The following PTPRN2 variants were observed in gnomAD, a reference collection of about 807,000 sequenced individuals.
PTPRN2 encodes the protein receptor-type tyrosine-protein phosphatase N2.
In PTPRN2, 74 loss-of-function variants were observed where a neutral mutation model predicts 118.8. The observed-to-expected ratio is 0.62, with a 90% confidence interval of 0.52 to 0.76. PTPRN2 has a LOEUF of 0.76. Among genes scored for constraint, PTPRN2 ranks in the 30% least tolerant of loss-of-function variants. PTPRN2 has a pLI of 0.00. For synonymous variants in PTPRN2, 641 were observed against 608.0 expected, an observed-to-expected ratio of 1.05 and a Z score of -0.80; for missense variants, 1,481 against 1,394.4, an observed-to-expected ratio of 1.06 and a Z score of -0.99.
At chr7:158,577,903 C>T (rs377665104) in intron 1 of PTPRN2, among the ~76,000 whole-genome samples, 394 of 152,258 alleles carry the variant, frequency 2.6e-3, no homozygotes, top group African/African-American at 9.1e-3. Context: ...CTGCACTGCC[C>T]GGCCACCTCC....
intron 2 of PTPRN2, among the ~76,000 whole-genome samples, chr7:158,403,738 C>T (rs1394871174): frequency 6.6e-6 from 1 of 152,176 alleles, no homozygotes; most frequent in Non-Finnish European, 1.5e-5. Context: ...GTCCTGCACC[C>T]CCACTCTGAA....
intron 12 of PTPRN2, among the ~76,000 whole-genome samples, chr7:157,772,727 G>A (rs891488793): frequency 1.3e-5 from 2 of 152,270 alleles, no homozygotes; most frequent in East Asian, 1.9e-4. Flanking sequence ...GGTCTGGGGG[G>A]ACCCCTGTGG....
intron 1 of PTPRN2, among the ~76,000 whole-genome samples, chr7:158,583,786 G>GCAGA (rs1828768806): frequency 6.6e-6 from 1 of 152,116 alleles, no homozygotes; most frequent in South Asian, 2.1e-4. Context: ...GGAGAGACAG[G>GCAGA]GAACAACAGG....
intron 11 of PTPRN2, among the ~76,000 whole-genome samples, chr7:157,949,748 T>C (rs149073282): frequency 6.6e-6 from 1 of 152,228 alleles, no homozygotes; most frequent in Non-Finnish European, 1.5e-5. Flanking sequence ...GCTCTATAGC[T>C]CCACAAACAG....
At chr7:158,304,709 G>A (rs987731475) in intron 3 of PTPRN2, among the ~76,000 whole-genome samples, 2 of 152,216 alleles carry the variant, frequency 1.3e-5, no homozygotes, top group African/African-American at 4.8e-5. Flanking sequence ...ACTGGGAATC[G>A]GTAGAAAGAG....
Position 158,231,177 on chromosome 7 carries a change from G to A in PTPRN2, c.278-25904C>T, listed in dbSNP as rs924585266. On this transcript the variant is annotated intron_variant, in intron 3 of 22. Coordinates refer to ENST00000389418, the MANE Select transcript of PTPRN2 (RefSeq NM_002847.5). ...AGCTACTTGGGATGCTGAGGTGGGA[G>A]GATCACTTGAGCATGGAAGGTCAAG... 2.6e-5 allele frequency among the ~76,000 whole-genome samples: 4 copies of A among 152,120 alleles called. No homozygotes were observed. The East Asian group carries it at 7.7e-4, about 29-fold the overall frequency.
In PTPRN2 at chr7:157,656,538, T is replaced by C; in HGVS notation, c.2015A>G (p.Gln672Arg). 6.5e-7 allele frequency: 1 copy of C among 1,542,014 alleles called. No individual in the cohort carries two copies. The highest frequency in any genetic ancestry group is 1.2e-5 in the South Asian group (1 of 84,364). ...ATAAYQELCRQRMATRPPDRP... is the reference protein window; with the variant it reads ...ATAAYQELCRRRMATRPPDRP... ...GTCTGGTGGCCGCGTGGCCATACGC[T>C]GGCGGCACAGCTCCTGCAGGACAGG... Residue 672 changes from glutamine to arginine, a missense_variant, in exon 14 of 23, where the codon CAG (glutamine) becomes CGG (arginine). This residue lies in a region of PTPRN2 where 1,115 missense variants were observed against 994.2 expected (regional missense o/e 1.12). Transcript: ENST00000389418.
chr7:158,244,663 T>A (rs1796086774), intron 3 of PTPRN2, among the ~76,000 whole-genome samples: 1 of 152,064 alleles, frequency 6.6e-6, no homozygotes, highest in Admixed American at 6.6e-5. Flanking sequence ...GTGTGTCAGT[T>A]GTGTGAGTTC....
chr7:158,350,476 C>G (rs1807844005), intron 2 of PTPRN2, among the ~76,000 whole-genome samples: 2 of 152,234 alleles, frequency 1.3e-5, no homozygotes, highest in South Asian at 4.1e-4. Flanking sequence ...TGACTGCCGT[C>G]TGCACCCAGA....
intron 2 of PTPRN2, among the ~76,000 whole-genome samples, chr7:158,433,152 T>C (rs189283274): frequency 5.2e-4 from 80 of 152,384 alleles, no homozygotes; most frequent in African/African-American, 1.9e-3. Context: ...CTCTGTAGTA[T>C]TTAATTGCAT....
rs574823959 is a variant in PTPRN2, at chr7:158,422,888, A to G, written c.163+66847T>C. Among the ~76,000 whole-genome samples the G allele has an allele frequency of 2.6e-5, 4 of 152,354 alleles. No homozygotes were observed. The East Asian group carries it at 7.7e-4, about 29-fold the overall frequency. ...TCAAGCTTACAAGTAGTTGGTGTGT[A>G]ATTTGCATGGTCAGTAGAGACAAAG... On this transcript the variant is annotated intron_variant, in intron 2 of 22. Transcript: ENST00000389418.
At chr7:157,681,996 C>G (rs1269929409) in intron 13 of PTPRN2, among the ~76,000 whole-genome samples, 1 of 152,202 alleles carries the variant, frequency 6.6e-6, no homozygotes, top group Non-Finnish European at 1.5e-5. Context: ...GAATCAAACG[C>G]CTTGACTGGT....
rs1350968679 is a variant in PTPRN2 at position 158,070,983 on chromosome 7, GTGGTGGTGGAGGTGCTCA to G, written c.1723+10297_1723+10314del. Among the ~76,000 whole-genome samples, 258 of 86,612 alleles carry G rather than the reference GTGGTGGTGGAGGTGCTCA, an allele frequency of 3.0e-3. 6 individuals are homozygous for G. The highest frequency in any genetic ancestry group is 4.6e-3 in the Non-Finnish European group (209 of 45,224). 56.8% of individuals were successfully genotyped at this position (86,612 alleles called of 152,430 possible). On this transcript the variant is annotated intron_variant, in intron 11 of 22. Coordinates refer to ENST00000389418, the MANE Select transcript of PTPRN2 (RefSeq NM_002847.5). ...GGAGGTGCTCACGGTGGAGGTGCCC[GTGGTGGTGGAGGTGCTCA>G]TGGTGGTGGAGGTGCTCGTGGTGGA... is the stretch of plus-strand genomic sequence containing the variant.
intron 11 of PTPRN2, among the ~76,000 whole-genome samples, chr7:158,048,627 C>CATCACCATCACCACCATCATCAT (rs1809058214): frequency 6.6e-6 from 1 of 151,486 alleles, no homozygotes. Context: ...CCACTACCAC[C>CATCACCATCACCACCATCATCAT]ATCACCATCA....
chr7:157,959,975 TA>T (rs1180132590), intron 11 of PTPRN2, among the ~76,000 whole-genome samples: 2 of 152,214 alleles, frequency 1.3e-5, no homozygotes, highest in South Asian at 4.1e-4. Flanking sequence ...ATGTGGTCTA[TA>T]CACGGCGGGG....
intron 2 of PTPRN2, among the ~76,000 whole-genome samples, chr7:158,461,000 T>C (rs1268861392): frequency 6.6e-6 from 1 of 152,190 alleles, no homozygotes; most frequent in Non-Finnish European, 1.5e-5. Flanking sequence ...AGACCATCAT[T>C]GCACAAACTA....
intron 12 of PTPRN2, among the ~76,000 whole-genome samples, chr7:157,867,425 G>A (rs1290015628): frequency 8.0e-6 from 1 of 125,328 alleles, no homozygotes; most frequent in East Asian, 2.4e-4. Flanking sequence ...CGGCCACCTG[G>A]ATACACGGCC....
chr7:158,005,601 CACGT>C (rs1205785947), intron 11 of PTPRN2, among the ~76,000 whole-genome samples: 1 of 152,144 alleles, frequency 6.6e-6, no homozygotes, highest in Non-Finnish European at 1.5e-5. Flanking sequence ...TTTTGCTGTC[CACGT>C]TGTCTTAGAG....
At chr7:158,070,919 G>T (rs1370150319) in intron 11 of PTPRN2, among the ~76,000 whole-genome samples, 4 of 131,628 alleles carry the variant, frequency 3.0e-5, no homozygotes, top group East Asian at 2.4e-4. Context: ...TGCCCATGGT[G>T]CTGGAGGTGC....
Sources: allele counts gnomAD v4.1 joint callset (sites outside exome capture counted in the v4.1 genomes callset), GRCh38; gene constraint gnomAD v4.1.1; regional missense constraint gnomAD v4.1.1; transcripts MANE v1.5; gene names NCBI Gene and HGNC (gene_info 2026-07-23, HGNC 2026-07-21).